NTRK1: variants seen among roughly 807,000 people sequenced by gnomAD.
NTRK1 encodes neurotrophic receptor tyrosine kinase 1, also known as high affinity nerve growth factor receptor.
Under a neutral mutation model 86.8 loss-of-function variants are expected in NTRK1, and 62 were observed. The ratio of observed to expected loss-of-function variants is 0.71; its 90% CI spans 0.58 to 0.88. NTRK1 has a LOEUF of 0.88. NTRK1 is among the 40% of genes least tolerant of loss of function. The probability of loss-of-function intolerance (pLI) is 0.00; values close to 1 mark genes in which losing one functional copy is unlikely to be tolerated. For missense variants in NTRK1, 967 were observed against 1,078.4 expected (o/e 0.90, Z 1.45); for synonymous variants, 469 against 456.6 (o/e 1.03, Z -0.35).
upstream of NTRK1, among the ~76,000 whole-genome samples, chr1:156,859,865 G>A (rs1655548931): frequency 6.6e-6 from 1 of 152,256 alleles, no homozygotes; most frequent in East Asian, 1.9e-4. This position sits in a 1 kb window ranked among gnomAD's most constrained non-coding sequence, Gnocchi z 6.2. Flanking sequence ...TCCCCAGCTT[G>A]AGACGGATGG....
At position 156,876,519 on chromosome 1, in the gene NTRK1, C is replaced by T. The variant is rs754567573; in HGVS notation, c.1752C>T (p.Pro584=). Residue 584 remains proline (P), a synonymous_variant, in exon 14 of 17, where the codon CCC becomes CCT. Transcript: ENST00000524377. ...TCGGCGTCTGCACCGAGGGCCGCCC[C>T]CTGCTCATGGTCTTTGAGTATATGC... ...RFFGVCTEGR[P]LLMVFEYMRH... The T allele has an allele frequency of 1.2e-6, 2 of 1,613,600 alleles. No homozygotes were observed. The highest frequency in any genetic ancestry group is 1.7e-6 in the Non-Finnish European group (2 of 1,180,008).
chr1:156,816,012 G>A, intron 1 of NTRK1: 1 of 1,613,920 alleles, frequency 6.2e-7, no homozygotes, highest in Non-Finnish European at 8.5e-7. Context: ...TCACCGCAGT[G>A]TAGCCCAGGT....
chr1:156,833,530 C>G (rs1454421495), intron 1 of NTRK1, among the ~76,000 whole-genome samples: 5 of 149,932 alleles, frequency 3.3e-5, no homozygotes, highest in African/African-American at 1.2e-4. Flanking sequence ...GCACTCCAGC[C>G]TGGGCGATAA....
At chr1:156,861,200 C>T in intron 1 of NTRK1, 54 bp downstream of exon 1, 1 of 1,517,824 alleles carries the variant, frequency 6.6e-7, no homozygotes, top group Non-Finnish European at 8.8e-7. Context: ...CATTGCAGTG[C>T]CCCGAGGGCG....
At chr1:156,816,145 G>C (rs992731090) in intron 1 of NTRK1, 7 of 1,561,284 alleles carry the variant, frequency 4.5e-6, no homozygotes, top group Non-Finnish European at 6.1e-6. Context: ...AACTATGTCT[G>C]TCTCTGCCTC....
chr1:156,877,110 T>A (rs1181089501), intron 14 of NTRK1, among the ~76,000 whole-genome samples: 2 of 152,192 alleles, frequency 1.3e-5, no homozygotes, highest in African/African-American at 4.8e-5. Context: ...AGCCTCAAAT[T>A]CCTGGGCTCA....
At chr1:156,844,277 T>C in intron 2 of NTRK1, 1 of 1,611,760 alleles carries the variant, frequency 6.2e-7, no homozygotes, top group South Asian at 1.1e-5. Flanking sequence ...AGCATCCTCC[T>C]CCTCTGGCAG....
intron 2 of NTRK1, chr1:156,849,500 G>T (rs1417701358): frequency 7.5e-7 from 1 of 1,330,592 alleles, no homozygotes; most frequent in Non-Finnish European, 1.1e-6. Flanking sequence ...GGGGAGGTGG[G>T]GGCAGGGGGT....
upstream of NTRK1, among the ~76,000 whole-genome samples, chr1:156,860,454 T>C (rs113242553): frequency 2.9e-4 from 44 of 152,368 alleles, no homozygotes; most frequent in African/African-American, 9.1e-4. Context: ...CCAAGTGACA[T>C]GCTCACTCCC....
At chr1:156,859,838 C>T (rs1442647682), upstream of NTRK1, among the ~76,000 whole-genome samples, 1 of 152,124 alleles carries the variant, frequency 6.6e-6, no homozygotes, top group East Asian at 1.9e-4. This position sits in a 1 kb window ranked among gnomAD's most constrained non-coding sequence, Gnocchi z 6.2. Context: ...CAAGAGACAC[C>T]CCTCTTCCCT....
At chr1:156,849,102 C>T in intron 2 of NTRK1, 1 of 1,599,252 alleles carries the variant, frequency 6.3e-7, no homozygotes, top group Non-Finnish European at 8.5e-7. Context: ...CTTGAGCGCC[C>T]ACCCTGACCC....
In NTRK1 at chr1:156,861,095, G is replaced by A. The variant is rs1220379017; in HGVS notation, c.161G>A (p.Gly54Glu). ...TCGGGACTGCGATGCACCCGGGATG[G>A]GGCCCTGGATAGCCTCCACCACCTG... is the stretch of plus-strand genomic sequence containing the variant. ...GSSGLRCTRD[G>E]ALDSLHHLPG... The change falls in exon 1 of 17, where the codon GGG becomes GAG. Residue 54 changes from glycine (G) to glutamate (E), a missense_variant. By Grantham distance (98) the Gly-to-Glu change is moderately conservative. Coordinates refer to ENST00000524377, the MANE Select transcript of NTRK1 (RefSeq NM_002529.4). 6.3e-7 allele frequency: 1 copy of A among 1,584,728 alleles called. No homozygotes were observed. The highest frequency in any genetic ancestry group is 1.7e-5 in the Admixed American group (1 of 58,206).
intron 1 of NTRK1, among the ~76,000 whole-genome samples, chr1:156,825,988 A>G (rs1654305814): frequency 6.6e-6 from 1 of 152,222 alleles, no homozygotes; most frequent in Non-Finnish European, 1.5e-5. Flanking sequence ...AGTGGGGATT[A>G]GAACCAGATG....
intron 3 of NTRK1, among the ~76,000 whole-genome samples, chr1:156,865,840 A>G (rs1436578723): frequency 6.6e-6 from 1 of 152,220 alleles, no homozygotes; most frequent in Non-Finnish European, 1.5e-5. Flanking sequence ...GCTGACACTC[A>G]TGGAGTTATG....
intron 1 of NTRK1, among the ~76,000 whole-genome samples, chr1:156,818,201 C>A (rs894968588): frequency 2.6e-5 from 4 of 151,992 alleles, no homozygotes; most frequent in African/African-American, 9.7e-5. Context: ...ATGTGCTATG[C>A]ACTGTTCTTG....
intron 1 of NTRK1, among the ~76,000 whole-genome samples, chr1:156,821,352 T>G (rs1654183479): frequency 6.6e-6 from 1 of 152,192 alleles, no homozygotes. Context: ...GTCTGATTGC[T>G]TTGGCAGCAT....
At position 156,851,686 on chromosome 1, in the gene NTRK1, C is replaced by G. The variant is rs146358035; in HGVS notation, c.50+9493C>G. The G allele has an allele frequency of 5.9e-5, 96 of 1,614,196 alleles. No individual in the cohort carries two copies. The South Asian group carries it at 1.0e-3, about 18-fold the overall frequency. On this transcript the variant is annotated intron_variant, in intron 2 of 16. Coordinates refer to the NTRK1 transcript ENST00000392302. ...TGAGGATGAGGCTTCCCTCCACATG[C>G]GTGCAGCCCACAAGATCCTGTGCCG...
upstream of NTRK1, among the ~76,000 whole-genome samples, chr1:156,860,496 G>A (rs1266178863): frequency 6.6e-6 from 1 of 152,258 alleles, no homozygotes; most frequent in East Asian, 1.9e-4. Context: ...ATGGAGCGCT[G>A]AGCCTGGGGC....
chr1:156,870,604 G>A (rs1209670906), intron 6 of NTRK1, among the ~76,000 whole-genome samples: 4 of 152,168 alleles, frequency 2.6e-5, no homozygotes, highest in African/African-American at 9.7e-5. Flanking sequence ...AACTCTACTG[G>A]AACCTTTGAA....
Sources: allele counts gnomAD v4.1 joint callset (sites outside exome capture counted in the v4.1 genomes callset), GRCh38; gene constraint gnomAD v4.1.1; non-coding constraint Gnocchi (gnomAD v3.1); transcripts MANE v1.5; gene names NCBI Gene and HGNC (gene_info 2026-07-23, HGNC 2026-07-21).